Variants in SUGT1 observed in about 807,000 individuals in gnomAD.
The protein encoded by SUGT1 is protein SGT1 homolog.
SUGT1 carries 15 observed loss-of-function variants against 56.1 expected under a neutral mutation model. That is an observed-to-expected ratio of 0.27 (90% CI 0.18 to 0.41). The LOEUF (loss-of-function observed/expected upper bound fraction) is 0.41. SUGT1 is among the 10% of genes least tolerant of loss of function. The pLI is 1.00. For synonymous variants in SUGT1, 123 were observed against 128.6 expected, an observed-to-expected ratio of 0.96 and a Z score of 0.30; for missense variants, 347 against 382.2, an observed-to-expected ratio of 0.91 and a Z score of 0.77.
chr13:52,659,851 C>T (rs1306117588), intron 5 of SUGT1, among the ~76,000 whole-genome samples: 1,139 of 96,770 alleles, frequency 0.012, 29 homozygotes, highest in African/African-American at 0.046. Context: ...TTTTTTGAGA[C>T]GGAGTCTCAC....
At chr13:52,666,995 GT>G in intron 10 of SUGT1, 76 bp downstream of exon 10, 1 of 973,612 alleles carries the variant, frequency 1.0e-6, no homozygotes, top group Non-Finnish European at 1.6e-6. Context: ...TCACCCATGT[GT>G]TTATAAGCTT....
Position 52,665,657 on chromosome 13 carries a change from A to C in SUGT1, c.443A>C (p.Glu148Ala), listed in dbSNP as rs1962666874. Residue 148 changes from glutamate to alanine, a missense_variant, in exon 9 of 13, where the codon GAA becomes GCA. Physicochemically the swap from Glu to Ala is moderately radical, Grantham distance 107. Transcript: ENST00000310528. ...SKIKYDWYQT[E>A]SQVVITLMIK... The stretch of plus-strand genomic sequence containing the variant: ...AATAGGTATGACTGGTATCAAACAG[A>C]ATCTCAAGTAGTCATTACACTTATG... 5 of 1,592,902 alleles carry C rather than the reference A, an allele frequency of 3.1e-6. No homozygotes were observed. In the South Asian group the frequency reaches 5.7e-5, roughly 18 times the overall value.
Position 52,698,065 on chromosome 13 carries a change from T to C in SUGT1, c.*10230T>C, listed in dbSNP as rs927410746. 6.6e-6 allele frequency: 1 copy of C among 152,240 alleles called. No homozygotes were observed. Among genetic ancestry groups the C allele is most frequent in the African/African-American group, 2.4e-5 (1 of 41,466 alleles). 9.4% of individuals were successfully genotyped at this position (152,240 alleles called of 1,614,324 possible). A position where few individuals can be genotyped will look rare whatever the true frequency, so the allele number is the denominator to read the frequency against. On this transcript the variant is annotated 3_prime_UTR_variant, in exon 13 of 13. Coordinates refer to ENST00000310528, the MANE Select transcript of SUGT1 (RefSeq NM_006704.5). ...CAGCAGAATAAGTACCAAGGCAAGATTGGAGAATGACCGGTTGTGAACAGG... is the reference window on the plus strand; with the variant it reads ...CAGCAGAATAAGTACCAAGGCAAGACTGGAGAATGACCGGTTGTGAACAGG...
In SUGT1 at chr13:52,687,727, A is replaced by T. The variant is rs1243769300; in HGVS notation, c.901-7A>T. On this transcript the variant is annotated splice_polypyrimidine_tract_variant and splice_region_variant and intron_variant, in intron 12 of 12. Transcript: ENST00000310528. ...AGGAATTAATCTATTTTTATTTTTCATTGCAGATGGAGTCGGGTGGTACAG... is the reference window on the plus strand; with the variant it reads ...AGGAATTAATCTATTTTTATTTTTCTTTGCAGATGGAGTCGGGTGGTACAG... The T allele has an allele frequency of 4.5e-6, 7 of 1,569,526 alleles. No homozygotes were observed. Among genetic ancestry groups the T allele is most frequent in the Non-Finnish European group, 6.0e-6 (7 of 1,164,324 alleles).
chr13:52,672,133 C>G (rs977378450), intron 10 of SUGT1, among the ~76,000 whole-genome samples: 1 of 152,098 alleles, frequency 6.6e-6, no homozygotes, highest in Non-Finnish European at 1.5e-5. Flanking sequence ...TCAGCAAATG[C>G]GTTATCATAG....
chr13:52,667,787 C>A (rs1962775133), intron 10 of SUGT1, among the ~76,000 whole-genome samples: 1 of 152,022 alleles, frequency 6.6e-6, no homozygotes, highest in East Asian at 1.9e-4. Context: ...GACTCTGGAT[C>A]TTTGCTTGCC....
chr13:52,690,527 G>A lies in SUGT1; in HGVS notation c.*2692G>A, dbSNP rs1963747224. The A allele has an allele frequency of 6.6e-6, 1 of 152,076 alleles. No homozygotes were observed. Among genetic ancestry groups the A allele is most frequent in the Admixed American group, 6.6e-5 (1 of 15,266 alleles). The allele number at this position is 152,076 out of a possible 1,614,324, so 9.4% of individuals were successfully genotyped here. A position where few individuals can be genotyped will look rare whatever the true frequency, so the allele number is the denominator to read the frequency against. On this transcript the variant is annotated 3_prime_UTR_variant, in exon 13 of 13. Transcript: ENST00000310528. ...AATACATGTTTTTCTTGGTCTTGTA[G>A]ACTTCATCTCTTCTGATTTCCATAA...
chr13:52,675,164 T>G (rs1478175279), intron 10 of SUGT1, among the ~76,000 whole-genome samples: 1 of 152,204 alleles, frequency 6.6e-6, no homozygotes, highest in Non-Finnish European at 1.5e-5. Flanking sequence ...GCGTTTCCCC[T>G]TCACAGTCAG....
Position 52,658,394 on chromosome 13 carries a change from C to A in SUGT1, c.188-5C>A. 2 of 1,611,858 alleles carry A rather than the reference C, an allele frequency of 1.2e-6. No individual in the cohort carries two copies. Among genetic ancestry groups the A allele is most frequent in the East Asian group, 4.5e-5 (2 of 44,764 alleles). On this transcript the variant is annotated splice_region_variant and splice_polypyrimidine_tract_variant and intron_variant, in intron 3 of 12. Transcript: ENST00000310528. ...CTGACTAAAAACCCGTCTTTTTCTA[C>A]ACAGTTGCTGTTGCTGATGCAAAGA...
intron 6 of SUGT1, 144 bp from the exon 7 acceptor site, chr13:52,662,952 C>A: frequency 1.1e-6 from 1 of 944,870 alleles, no homozygotes; most frequent in Non-Finnish European, 1.6e-6. Context: ...ATTCAGGATG[C>A]AAAATGAAAC....
chr13:52,657,852 A>AT (rs1962242194), intron 3 of SUGT1, among the ~76,000 whole-genome samples: 1 of 152,244 alleles, frequency 6.6e-6, no homozygotes, highest in African/African-American at 2.4e-5. Flanking sequence ...GTTATTGGGT[A>AT]TGCTGATAAA....
Position 52,657,628 on chromosome 13 carries a change from G to A in SUGT1, c.187+6G>A, listed in dbSNP as rs372490161. 202 of 1,610,076 alleles carry A rather than the reference G, an allele frequency of 1.3e-4. 1 individual carries two copies. Among genetic ancestry groups the A allele is most frequent in the Admixed American group, 1.8e-4 (11 of 59,600 alleles). ...TCTTCTTGGGAATTACTGTGGTAAC[G>A]TTTCTTATAAAGTATATTGCCCCCT... On this transcript the variant is annotated splice_donor_region_variant and intron_variant, in intron 3 of 12. Coordinates refer to ENST00000310528, the MANE Select transcript of SUGT1 (RefSeq NM_006704.5).
At chr13:52,654,882 A>T (rs9536222) in intron 2 of SUGT1, among the ~76,000 whole-genome samples, 145,466 of 152,364 alleles carry the variant, frequency 0.95, 69,452 homozygotes, top group East Asian at 0.99. Context: ...TTAGCTAACA[A>T]AAAGCTTCTG....
At chr13:52,654,708 A>G (rs147716905) in intron 2 of SUGT1, among the ~76,000 whole-genome samples, 2 of 152,340 alleles carry the variant, frequency 1.3e-5, no homozygotes, top group African/African-American at 4.8e-5. Flanking sequence ...TTGAATGTAG[A>G]CACTCTTTTT....
At chr13:52,665,776 T>C (rs1337267882) in intron 9 of SUGT1, 43 bp downstream of exon 9, 4 of 1,389,286 alleles carry the variant, frequency 2.9e-6, no homozygotes, top group East Asian at 4.6e-5. Flanking sequence ...TACTATTATT[T>C]GCAAATTTAG....
At chr13:52,681,081 A>G (rs925662113) in intron 12 of SUGT1, among the ~76,000 whole-genome samples, 2 of 152,080 alleles carry the variant, frequency 1.3e-5, no homozygotes, top group African/African-American at 2.4e-5. Context: ...CAAGCAATCT[A>G]GCCGCCTCAG....
chr13:52,693,776 TATA>T lies in SUGT1; in HGVS notation c.*5945_*5947del, dbSNP rs1379562451. Reference sequence around the variant, plus strand: ...AGTGATATAAAACGTGACCTGAATTTATAATATGAATAGTCACATTTTGCAGCA... The same window carrying T: ...AGTGATATAAAACGTGACCTGAATTTATATGAATAGTCACATTTTGCAGCA... On this transcript the variant is annotated 3_prime_UTR_variant, in exon 13 of 13. Coordinates refer to ENST00000310528, the MANE Select transcript of SUGT1 (RefSeq NM_006704.5). The T allele has an allele frequency of 6.6e-6, 1 of 152,184 alleles. No homozygotes were observed. Among genetic ancestry groups the T allele is most frequent in the African/African-American group, 2.4e-5 (1 of 41,434 alleles). The allele number at this position is 152,184 out of a possible 1,614,324, so 9.4% of individuals were successfully genotyped here. A position where few individuals can be genotyped will look rare whatever the true frequency, so the allele number is the denominator to read the frequency against.
At chr13:52,666,995 GTTTATA>G in intron 10 of SUGT1, 76 bp downstream of exon 10, 1 of 973,618 alleles carries the variant, frequency 1.0e-6, no homozygotes. Flanking sequence ...TCACCCATGT[GTTTATA>G]AGCTTGTAGA....
intron 10 of SUGT1, among the ~76,000 whole-genome samples, chr13:52,674,095 C>T (rs1963051310): frequency 8.6e-6 from 1 of 116,864 alleles, no homozygotes. Context: ...CGCTCTGTTG[C>T]CCAGGCTGAA....
Sources: gnomAD v4.1 joint callset for allele counts (sites outside exome capture counted in the v4.1 genomes callset) on GRCh38, gnomAD v4.1.1 for gene constraint, MANE v1.5 for transcripts, NCBI Gene and HGNC (gene_info 2026-07-23, HGNC 2026-07-21) for gene names.